EIF2B3: variants seen among roughly 807,000 people sequenced by gnomAD.
EIF2B3 encodes translation initiation factor eIF2B subunit gamma.
Under a neutral mutation model 54.1 loss-of-function variants are expected in EIF2B3, and 20 were observed. That is an observed-to-expected ratio of 0.37 (90% confidence interval 0.26 to 0.54). The LOEUF is 0.54. EIF2B3 is among the 20% of genes least tolerant of loss of function. The probability of loss-of-function intolerance (pLI) is 0.86; values close to 1 mark genes in which losing one functional copy is unlikely to be tolerated. For synonymous variants in EIF2B3, 153 were observed against 188.1 expected, an observed-to-expected ratio of 0.81 and a Z score of 1.52; for missense variants, 448 against 547.8, an observed-to-expected ratio of 0.82 and a Z score of 1.82.
At chr1:44,895,350 A>G (rs1213724748) in intron 6 of EIF2B3, among the ~76,000 whole-genome samples, 1 of 152,236 alleles carries the variant, frequency 6.6e-6, no homozygotes, top group Non-Finnish European at 1.5e-5. Flanking sequence ...CAAATGAACT[A>G]CAAATAAGCT....
intron 6 of EIF2B3, among the ~76,000 whole-genome samples, chr1:44,883,770 C>T (rs962267287): frequency 6.6e-6 from 1 of 152,170 alleles, no homozygotes; most frequent in Non-Finnish European, 1.5e-5. Context: ...GTCTCTATCT[C>T]GGCAGCAGGT....
intron 6 of EIF2B3, among the ~76,000 whole-genome samples, chr1:44,887,902 C>G (rs1004252175): frequency 6.8e-6 from 1 of 146,868 alleles, no homozygotes; most frequent in African/African-American, 2.5e-5. Context: ...TGTCTCCCCC[C>G]AAAAAAAAAG....
At chr1:44,964,131 C>CAAA (rs36124141) in intron 3 of EIF2B3, among the ~76,000 whole-genome samples, 16,546 of 131,366 alleles carry the variant, frequency 0.13, 1,251 homozygotes, top group Non-Finnish European at 0.17. Flanking sequence ...ATTTCTTGGC[C>CAAA]AAAAAAAAAA....
At chr1:44,940,956 G>A (rs1358290392) in intron 4 of EIF2B3, among the ~76,000 whole-genome samples, 3 of 149,852 alleles carry the variant, frequency 2.0e-5, no homozygotes, top group Non-Finnish European at 4.4e-5. Context: ...GCGTGATCTC[G>A]GCTCACTGCA....
chr1:44,874,786 C>G lies in EIF2B3; in HGVS notation c.1094G>C (p.Gly365Ala). ...TGAGCGCTTAATGGATGACTTCTCT[C>G]CAATCTGTGTCTCTGGCCCAATGAG... Reference protein sequence around the residue: ...DSLIGPETQIGEKSSIKRSVI... With the variant: ...DSLIGPETQIAEKSSIKRSVI... The change falls in exon 10 of 12, where the codon GGA (glycine) becomes GCA (alanine). Residue 365 changes from glycine (G) to alanine (A), a missense_variant. Physicochemically the swap from Gly to Ala is moderately conservative, Grantham distance 60. This residue lies in a region of EIF2B3 where 350 missense variants were observed against 414.2 expected (regional missense o/e 0.85). Coordinates refer to ENST00000360403, the MANE Select transcript of EIF2B3 (RefSeq NM_020365.5). 1 of 1,614,092 alleles carries G rather than the reference C, an allele frequency of 6.2e-7. No individual in the cohort carries two copies. The highest frequency in any genetic ancestry group is 8.5e-7 in the Non-Finnish European group (1 of 1,180,030).
intron 5 of EIF2B3, among the ~76,000 whole-genome samples, chr1:44,923,193 C>T (rs1643786156): frequency 6.6e-6 from 1 of 152,056 alleles, no homozygotes; most frequent in Admixed American, 6.6e-5. Flanking sequence ...TCTTCCTTTC[C>T]AATTTAGATG....
chr1:44,926,313 T>C (rs948353415), intron 5 of EIF2B3, among the ~76,000 whole-genome samples: 1 of 152,052 alleles, frequency 6.6e-6, no homozygotes, highest in African/African-American at 2.4e-5. Flanking sequence ...ACATTTTATG[T>C]CATGTGTTTT....
chr1:44,958,239 A>C (rs1472598946), intron 3 of EIF2B3, among the ~76,000 whole-genome samples: 1 of 152,154 alleles, frequency 6.6e-6, no homozygotes, highest in Non-Finnish European at 1.5e-5. Context: ...GGACATTCTC[A>C]ATAAAAAGGG....
chr1:44,911,330 A>G (rs186191499), intron 5 of EIF2B3, among the ~76,000 whole-genome samples: 199 of 152,328 alleles, frequency 1.3e-3, no homozygotes, highest in Non-Finnish European at 2.3e-3. Context: ...AATCAGAAGA[A>G]CAAGGAAAAA....
intron 8 of EIF2B3, among the ~76,000 whole-genome samples, chr1:44,876,361 C>T (rs1399592532): frequency 3.4e-5 from 5 of 145,728 alleles, no homozygotes; most frequent in African/African-American, 5.2e-5. Flanking sequence ...CCCGCCGCCC[C>T]GTCTGGGATG....
At chr1:44,889,119 T>C (rs1048866836) in intron 6 of EIF2B3, among the ~76,000 whole-genome samples, 42 of 152,342 alleles carry the variant, frequency 2.8e-4, no homozygotes, top group African/African-American at 9.6e-4. Flanking sequence ...TTTCCCTCCA[T>C]GAACCATCTT....
At chr1:44,941,859 C>T (rs926570971) in intron 3 of EIF2B3, among the ~76,000 whole-genome samples, 194 bp from the exon 4 acceptor site, 5 of 152,130 alleles carry the variant, frequency 3.3e-5, no homozygotes, top group African/African-American at 1.2e-4. Context: ...GGAAACTCTA[C>T]CTCTCCCTTG....
chr1:44,924,239 CAG>C (rs1481691075), intron 5 of EIF2B3, among the ~76,000 whole-genome samples: 1 of 151,952 alleles, frequency 6.6e-6, no homozygotes, highest in Non-Finnish European at 1.5e-5. Flanking sequence ...CGCGCCCAGC[CAG>C]AGATTCTAAT....
intron 11 of EIF2B3, among the ~76,000 whole-genome samples, chr1:44,855,318 A>G (rs1284496982): frequency 6.6e-6 from 1 of 152,162 alleles, no homozygotes; most frequent in East Asian, 1.9e-4. Flanking sequence ...AGGTGGACAC[A>G]TAGTGTTAAT....
At chr1:44,897,498 C>G (rs1656012695) in intron 5 of EIF2B3, 54 bp from the exon 6 acceptor site, 1 of 1,356,246 alleles carries the variant, frequency 7.4e-7, no homozygotes, top group Admixed American at 2.0e-5. Context: ...AATCAGGTAA[C>G]ATGGTCTCCA....
chr1:44,938,158 G>A (rs1432907743), intron 4 of EIF2B3, among the ~76,000 whole-genome samples: 1 of 152,048 alleles, frequency 6.6e-6, no homozygotes, highest in African/African-American at 2.4e-5. Context: ...TGGACTGCAG[G>A]CTGTTCTGGC....
intron 3 of EIF2B3, among the ~76,000 whole-genome samples, chr1:44,966,760 A>G (rs914332723): frequency 6.6e-6 from 1 of 152,204 alleles, no homozygotes; most frequent in Admixed American, 6.5e-5. Context: ...GATTAAAATA[A>G]CATTCCTATA....
chr1:44,893,706 C>CT (rs1655875996), intron 6 of EIF2B3, among the ~76,000 whole-genome samples: 1 of 152,128 alleles, frequency 6.6e-6, no homozygotes, highest in Non-Finnish European at 1.5e-5. Flanking sequence ...ACTGTAAGTA[C>CT]TGCATGGCAA....
At chr1:44,919,618 TGTG>T (rs1643695295) in intron 5 of EIF2B3, among the ~76,000 whole-genome samples, 1 of 151,992 alleles carries the variant, frequency 6.6e-6, no homozygotes, top group African/African-American at 2.4e-5. Context: ...CCTATTCCAG[TGTG>T]GTCTGGTTGC....
Sources: gnomAD v4.1 joint callset for allele counts (sites outside exome capture counted in the v4.1 genomes callset) on GRCh38, gnomAD v4.1.1 for gene constraint, gnomAD v4.1.1 regional missense constraint, MANE v1.5 for transcripts, NCBI Gene and HGNC (gene_info 2026-07-23, HGNC 2026-07-21) for gene names.